Variants in GAREM1 observed in about 807,000 individuals in gnomAD.
GAREM1 encodes GRB2 associated regulator of MAPK1 subtype 1, also known as GRB2-associated and regulator of MAPK protein 1.
A neutral mutation model predicts 71.3 loss-of-function variants in GAREM1; 26 were observed. The ratio of observed to expected loss-of-function variants is 0.36; its 90% CI spans 0.27 to 0.51. The LOEUF is 0.51. Ranked by LOEUF, GAREM1 falls within the 20% of genes least tolerant of loss-of-function variation. The pLI is 0.95. For synonymous variants in GAREM1, 440 were observed against 433.2 expected (o/e 1.02, Z -0.20); for missense variants, 1,026 against 1,103.1 (o/e 0.93, Z 0.99).
chr18:32,345,011 G>A (rs748784433), intron 2 of GAREM1, among the ~76,000 whole-genome samples: 8 of 152,162 alleles, frequency 5.3e-5, no homozygotes, highest in Admixed American at 3.3e-4. Context: ...GCAGTAAGCC[G>A]AGATTGTGCC....
At chr18:32,440,055 T>G (rs1187834858) in intron 1 of GAREM1, among the ~76,000 whole-genome samples, 1 of 152,200 alleles carries the variant, frequency 6.6e-6, no homozygotes, top group African/African-American at 2.4e-5. Context: ...TTGGCTGGCC[T>G]CTTCTGTTCA....
chr18:32,382,965 G>A (rs1017008608), intron 2 of GAREM1, among the ~76,000 whole-genome samples: 7 of 152,198 alleles, frequency 4.6e-5, no homozygotes, highest in Admixed American at 2.6e-4. Flanking sequence ...ACTGAGAAAC[G>A]TATGGAATGT....
intron 2 of GAREM1, among the ~76,000 whole-genome samples, chr18:32,336,699 T>A (rs912637200): frequency 2.0e-5 from 3 of 152,044 alleles, no homozygotes; most frequent in Non-Finnish European, 2.9e-5. Flanking sequence ...ACTCAAACAC[T>A]CTGATGGATG....
intron 2 of GAREM1, among the ~76,000 whole-genome samples, chr18:32,348,501 A>G (rs1181780210): frequency 6.6e-6 from 1 of 152,222 alleles, no homozygotes; most frequent in Non-Finnish European, 1.5e-5. Context: ...AAGTGGGCAG[A>G]TCACTTGAGG....
intron 3 of GAREM1, among the ~76,000 whole-genome samples, chr18:32,302,641 T>C (rs1598944172): frequency 6.6e-6 from 1 of 152,272 alleles, no homozygotes; most frequent in Non-Finnish European, 1.5e-5. Flanking sequence ...GTCTCATTTA[T>C]ATATGGAAAC....
chr18:32,431,528 T>C (rs774375688), intron 1 of GAREM1, among the ~76,000 whole-genome samples: 1 of 152,130 alleles, frequency 6.6e-6, no homozygotes, highest in Non-Finnish European at 1.5e-5. Flanking sequence ...CTGGGAAGGC[T>C]GAGGCAGGAG....
At chr18:32,348,378 A>C (rs917299519) in intron 2 of GAREM1, among the ~76,000 whole-genome samples, 1 of 152,236 alleles carries the variant, frequency 6.6e-6, no homozygotes, top group African/African-American at 2.4e-5. Flanking sequence ...AGAGAAATGA[A>C]AAGTAGGCAA....
At chr18:32,381,638 C>T (rs2048099103) in intron 2 of GAREM1, among the ~76,000 whole-genome samples, 3 of 152,206 alleles carry the variant, frequency 2.0e-5, no homozygotes, top group African/African-American at 7.2e-5. Context: ...TTCTCACCAT[C>T]TTCTCATCCT....
chr18:32,404,561 TTG>T (rs2048348139), intron 1 of GAREM1, among the ~76,000 whole-genome samples: 1 of 152,228 alleles, frequency 6.6e-6, no homozygotes, highest in Admixed American at 6.5e-5. Context: ...CTTTTCACAT[TTG>T]TGTTTCTTTA....
intron 1 of GAREM1, among the ~76,000 whole-genome samples, chr18:32,453,056 G>A (rs2048855063): frequency 6.6e-6 from 1 of 152,038 alleles, no homozygotes; most frequent in South Asian, 2.1e-4. Flanking sequence ...TGAAAAAGAG[G>A]TTTAATAGAC....
At chr18:32,269,181 T>C (rs1318888956) in intron 5 of GAREM1, among the ~76,000 whole-genome samples, 1 of 152,200 alleles carries the variant, frequency 6.6e-6, no homozygotes, top group Non-Finnish European at 1.5e-5. Flanking sequence ...ATGCTTGTGC[T>C]ACAGTGACAT....
At chr18:32,308,578 T>A (rs1368085262) in intron 3 of GAREM1, among the ~76,000 whole-genome samples, 1 of 149,952 alleles carries the variant, frequency 6.7e-6, no homozygotes, top group Non-Finnish European at 1.5e-5. Context: ...AGGGAGAGAT[T>A]TAAGTCATAT....
chr18:32,285,691 T>G (rs2047007561), intron 4 of GAREM1, among the ~76,000 whole-genome samples: 1 of 152,200 alleles, frequency 6.6e-6, no homozygotes, highest in Non-Finnish European at 1.5e-5. Flanking sequence ...ATCTCTCTCT[T>G]GTTTTCCTAT....
intron 2 of GAREM1, among the ~76,000 whole-genome samples, chr18:32,344,897 T>C (rs1190443241): frequency 6.6e-6 from 1 of 151,870 alleles, no homozygotes; most frequent in East Asian, 1.9e-4. Context: ...CTGTCTCTAC[T>C]AAAAATACAA....
chr18:32,325,496 T>C (rs2047466115), intron 2 of GAREM1, among the ~76,000 whole-genome samples: 1 of 152,168 alleles, frequency 6.6e-6, no homozygotes, highest in African/African-American at 2.4e-5. Context: ...ATCTCTGTAC[T>C]TTCCTCTCAA....
chr18:32,297,618 T>A (rs1022075734), intron 3 of GAREM1, among the ~76,000 whole-genome samples: 1 of 152,236 alleles, frequency 6.6e-6, no homozygotes, highest in Non-Finnish European at 1.5e-5. Context: ...TCGTTCAAAT[T>A]TTTATTGACT....
chr18:32,331,600 C>T (rs1025262496), intron 2 of GAREM1: 5 of 152,110 alleles, frequency 3.3e-5, no homozygotes, highest in African/African-American at 7.2e-5. Flanking sequence ...CCCAGAAGAC[C>T]GTGAAAACAG....
chr18:32,334,948 C>T (rs1225598711), intron 2 of GAREM1, among the ~76,000 whole-genome samples: 2 of 152,126 alleles, frequency 1.3e-5, no homozygotes, highest in Non-Finnish European at 2.9e-5. Context: ...TCTTTGCTGG[C>T]GAATGCCCAC....
chr18:32,383,777 G>A (rs1018281471), intron 2 of GAREM1, among the ~76,000 whole-genome samples: 1 of 152,100 alleles, frequency 6.6e-6, no homozygotes, highest in African/African-American at 2.4e-5. Context: ...AGTAGCCTAG[G>A]AGTTTTGAAC....
Sources: gnomAD v4.1 joint callset for allele counts (sites outside exome capture counted in the v4.1 genomes callset) on GRCh38, gnomAD v4.1.1 for gene constraint, MANE v1.5 for transcripts, NCBI Gene and HGNC (gene_info 2026-07-23, HGNC 2026-07-21) for gene names.